Variants in MARCHF1 observed in about 807,000 individuals in gnomAD.
MARCHF1 encodes E3 ubiquitin-protein ligase MARCHF1.
Under a neutral mutation model 54.2 loss-of-function variants are expected in MARCHF1, and 40 were observed. The ratio of observed to expected loss-of-function variants is 0.74; its 90% CI spans 0.57 to 0.96. The LOEUF (loss-of-function observed/expected upper bound fraction) is 0.96, where lower values mean the gene tolerates loss of function less well. MARCHF1 is among the 40% of genes least tolerant of loss of function. MARCHF1 has a pLI of 0.00. For missense variants in MARCHF1, 586 were observed against 656.5 expected (o/e 0.89, Z 1.17); for synonymous variants, 236 against 236.3 (o/e 1.00, Z 0.01).
Position 164,158,908 on chromosome 4 carries a change from C to T in MARCHF1, c.-322-47246G>A, listed in dbSNP as rs918778614. ...GAACATGTCTACTTCGAGAATCATC[C>T]TCCTCCTAAACCTGCACCACAATAA... On this transcript the variant is annotated intron_variant, in intron 1 of 9. Coordinates refer to ENST00000514618, the MANE Select transcript of MARCHF1 (RefSeq NM_001394959.1). Among the ~76,000 whole-genome samples, 3 of 152,122 alleles carry T rather than the reference C, an allele frequency of 2.0e-5. No homozygotes were observed. In the East Asian group the frequency reaches 5.8e-4, roughly 29 times the overall value.
intron 5 of MARCHF1, among the ~76,000 whole-genome samples, chr4:163,643,792 A>C (rs1408445309): frequency 4.6e-5 from 7 of 152,284 alleles, no homozygotes; most frequent in South Asian, 2.1e-4. Context: ...AGATAAGCAA[A>C]ATTTTTGATT....
In MARCHF1 at chr4:163,639,090, A is replaced by G. The variant is rs1257838970; in HGVS notation, c.163-25697T>C. Among the ~76,000 whole-genome samples, 3 of 152,104 alleles carry G rather than the reference A, an allele frequency of 2.0e-5. No homozygotes were observed. In the East Asian group the frequency reaches 5.8e-4, roughly 29 times the overall value. ...TATAGAGTTTCAGTTTTACAGGAGG[A>G]AAAGAGTGCTGGAATTTGATTACAC... On this transcript the variant is annotated intron_variant, in intron 5 of 9. Coordinates refer to ENST00000514618, the MANE Select transcript of MARCHF1 (RefSeq NM_001394959.1).
At position 163,876,021 on chromosome 4, in the gene MARCHF1, T is replaced by C. The variant is rs190632509; in HGVS notation, c.-38-21852A>G. On this transcript the variant is annotated intron_variant, in intron 3 of 9. Transcript: ENST00000514618. ...CGATAAAGGAAAGTAAATATTAGAG[T>C]TGGAATAAAAAACCTTTATTTGATT... Among the ~76,000 whole-genome samples the C allele has an allele frequency of 1.1e-4, 16 of 152,140 alleles. No individual in the cohort carries two copies. The East Asian group carries it at 2.9e-3, about 28-fold the overall frequency.
In MARCHF1 at chr4:164,244,409, C is replaced by T. The variant is rs1017947381; in HGVS notation, c.-322-132747G>A. On this transcript the variant is annotated intron_variant, in intron 1 of 9. Transcript: ENST00000514618. Reference sequence around the variant, plus strand: ...AAATAAAGATGTTCTCTGAAACCAACGAGAACAAAGACACAACATACCAGA... The same window carrying T: ...AAATAAAGATGTTCTCTGAAACCAATGAGAACAAAGACACAACATACCAGA... Among the ~76,000 whole-genome samples the T allele has an allele frequency of 7.9e-5, 12 of 151,626 alleles. No homozygotes were observed. The South Asian group carries it at 1.1e-3, about 13-fold the overall frequency.
At chr4:163,739,337 A>C (rs140464973) in intron 4 of MARCHF1, among the ~76,000 whole-genome samples, 162 of 152,352 alleles carry the variant, frequency 1.1e-3, no homozygotes, top group African/African-American at 3.6e-3. Flanking sequence ...AGGACATAAC[A>C]AACTAGTTCA....
chr4:164,122,113 T>C (rs1439085663), intron 1 of MARCHF1, among the ~76,000 whole-genome samples: 1 of 152,078 alleles, frequency 6.6e-6, no homozygotes, highest in Non-Finnish European at 1.5e-5. Flanking sequence ...TTTTAATCAA[T>C]GCTGAAAAAG....
intron 4 of MARCHF1, among the ~76,000 whole-genome samples, chr4:163,749,909 A>G (rs1221008541): frequency 2.6e-5 from 4 of 151,776 alleles, no homozygotes; most frequent in African/African-American, 4.8e-5. Flanking sequence ...TAAAAAAAAA[A>G]TACAAAAAAA....
At chr4:164,359,298 C>A (rs889572144) in intron 1 of MARCHF1, among the ~76,000 whole-genome samples, 1 of 152,172 alleles carries the variant, frequency 6.6e-6, no homozygotes, top group Non-Finnish European at 1.5e-5. Context: ...TTCTTTCTCT[C>A]GTTTGCCACT....
At position 163,873,088 on chromosome 4, in the gene MARCHF1, C is replaced by CAA. The variant is rs11445016; in HGVS notation, c.-38-18921_-38-18920dup. Among the ~76,000 whole-genome samples the CAA allele has an allele frequency of 1.7e-4, 25 of 150,644 alleles. No individual in the cohort carries two copies. The East Asian group carries it at 2.0e-3, about 12-fold the overall frequency. On this transcript the variant is annotated intron_variant, in intron 3 of 9. Coordinates refer to ENST00000514618, the MANE Select transcript of MARCHF1 (RefSeq NM_001394959.1). ...AAACAAAAAAAAACAAACAAACAAACAAAAAAAATGATGAAGTCATAGTTT... is the reference window on the plus strand; with the variant it reads ...AAACAAAAAAAAACAAACAAACAAACAAAAAAAAAATGATGAAGTCATAGTTT...
At chr4:163,613,474 A>T in intron 5 of MARCHF1, 81 bp from the exon 6 acceptor site, 1 of 1,612,350 alleles carries the variant, frequency 6.2e-7, no homozygotes, top group Non-Finnish European at 8.5e-7. Flanking sequence ...CACATATTTA[A>T]AAAATTACAA....
intron 4 of MARCHF1, among the ~76,000 whole-genome samples, chr4:163,775,045 T>C (rs919960438): frequency 1.3e-5 from 2 of 152,102 alleles, no homozygotes; most frequent in Non-Finnish European, 2.9e-5. Flanking sequence ...TCCCAAATCA[T>C]CACTCTTTCA....
rs1159810513 is a variant in MARCHF1 at position 163,789,525 on chromosome 4, A to C, written c.111+64496T>G. On this transcript the variant is annotated intron_variant, in intron 4 of 9. Transcript: ENST00000514618. ...TCTTTTTAAAAAAAAGAAAATAAAA[A>C]TTTTAATAAAGACTTTTCACATTTA... Among the ~76,000 whole-genome samples, 8 of 152,164 alleles carry C rather than the reference A, an allele frequency of 5.3e-5. No individual in the cohort carries two copies. The East Asian group carries it at 1.3e-3, about 26-fold the overall frequency.
intron 4 of MARCHF1, among the ~76,000 whole-genome samples, chr4:163,747,746 A>G (rs899343094): frequency 6.6e-6 from 1 of 152,262 alleles, no homozygotes; most frequent in African/African-American, 2.4e-5. Flanking sequence ...GTTAGCTGAA[A>G]GTTATACAGT....
chr4:163,998,225 C>G (rs903963383), intron 2 of MARCHF1, among the ~76,000 whole-genome samples: 5 of 151,360 alleles, frequency 3.3e-5, no homozygotes, highest in African/African-American at 9.7e-5. Flanking sequence ...ATAGACTATT[C>G]TCTATCTATA....
At chr4:164,154,779 T>G (rs979534870) in intron 1 of MARCHF1, among the ~76,000 whole-genome samples, 1 of 152,198 alleles carries the variant, frequency 6.6e-6, no homozygotes, top group Admixed American at 6.5e-5. Context: ...ACCCTCTGCC[T>G]TTTTGCAAGG....
intron 1 of MARCHF1, among the ~76,000 whole-genome samples, chr4:164,210,714 G>A (rs1293649367): frequency 2.0e-5 from 3 of 152,078 alleles, no homozygotes; most frequent in South Asian, 2.1e-4. Flanking sequence ...AAAGTTGACT[G>A]AGATGCAATC....
chr4:164,082,539 T>C (rs1402569260), intron 2 of MARCHF1, among the ~76,000 whole-genome samples: 1 of 152,188 alleles, frequency 6.6e-6, no homozygotes, highest in Non-Finnish European at 1.5e-5. Flanking sequence ...AAAATTTTCA[T>C]TTCATTAAAA....
At chr4:163,955,339 C>T (rs1752210709) in intron 3 of MARCHF1, among the ~76,000 whole-genome samples, 1 of 127,916 alleles carries the variant, frequency 7.8e-6, no homozygotes, top group Non-Finnish European at 1.6e-5. Context: ...ATAGGATCTG[C>T]TTTGAGGGAA....
chr4:164,201,467 G>T (rs578227095), intron 1 of MARCHF1, among the ~76,000 whole-genome samples: 19 of 152,192 alleles, frequency 1.2e-4, no homozygotes, highest in African/African-American at 4.1e-4. Flanking sequence ...TGACCCGCCC[G>T]CCTGGGACTC....
Sources: gnomAD v4.1 joint callset for allele counts (sites outside exome capture counted in the v4.1 genomes callset) on GRCh38, gnomAD v4.1.1 for gene constraint, MANE v1.5 for transcripts, NCBI Gene and HGNC (gene_info 2026-07-23, HGNC 2026-07-21) for gene names.